The following PCLO variants were observed in gnomAD, a reference collection of about 807,000 sequenced individuals.
PCLO encodes protein piccolo.
Under a neutral mutation model 427.5 loss-of-function variants are expected in PCLO, and 82 were observed. The ratio of observed to expected loss-of-function variants is 0.19; its 90% CI spans 0.16 to 0.23. PCLO has a LOEUF of 0.23. Among genes scored for constraint, PCLO ranks in the 10% least tolerant of loss-of-function variants. The probability of loss-of-function intolerance (pLI) is 1.00; values close to 1 mark genes in which losing one functional copy is unlikely to be tolerated. For synonymous variants in PCLO, 2,357 were observed against 2,155.4 expected (o/e 1.09, Z -2.59); for missense variants, 6,239 against 6,115.9 (o/e 1.02, Z -0.67).
chr7:83,019,922 C>A (rs765833467), intron 3 of PCLO, among the ~76,000 whole-genome samples: 1 of 152,098 alleles, frequency 6.6e-6, no homozygotes, highest in Non-Finnish European at 1.5e-5. Flanking sequence ...CTGAGTACAA[C>A]TCTTCAAGCA....
chr7:82,898,089 T>C (rs1793950309), intron 9 of PCLO, among the ~76,000 whole-genome samples: 1 of 151,620 alleles, frequency 6.6e-6, no homozygotes, highest in Non-Finnish European at 1.5e-5. Flanking sequence ...CTGTTTTAAA[T>C]TTTTGTAAAT....
intron 3 of PCLO, among the ~76,000 whole-genome samples, chr7:83,041,696 C>A (rs1347511056): frequency 6.6e-6 from 1 of 152,210 alleles, no homozygotes. Flanking sequence ...ACATGACATT[C>A]CAATATAGCA....
intron 9 of PCLO, among the ~76,000 whole-genome samples, chr7:82,881,339 A>G (rs1793504068): frequency 6.6e-6 from 1 of 152,188 alleles, no homozygotes; most frequent in Non-Finnish European, 1.5e-5. Context: ...GGGTCCTTAG[A>G]GTCATTTGAT....
chr7:83,121,199 AC>A (rs1300988251), intron 3 of PCLO, among the ~76,000 whole-genome samples: 1 of 152,174 alleles, frequency 6.6e-6, no homozygotes, highest in Non-Finnish European at 1.5e-5. Context: ...ATAAATAGAA[AC>A]AATAAGTTAA....
At position 82,953,311 on chromosome 7, in the gene PCLO, T is replaced by A. The variant is rs1342734422; in HGVS notation, c.7642A>T (p.Thr2548Ser). Residue 2548 changes from threonine to serine, a missense_variant, in exon 5 of 25, where the codon ACT (threonine) becomes TCT (serine). By Grantham distance (58) the Thr-to-Ser change is moderately conservative (BLOSUM62 1). Around this residue, in one of 5 missense-constraint regions of PCLO, gnomAD observed 4,677 missense variants for 4,468.4 expected, o/e 1.05. Transcript: ENST00000333891. ...GAAGGCAATTTATAATCTGCTGAAG[T>A]CACTAAATTTAAGGTCATACTTGAA... The part of the protein sequence containing the change: ...LTSSMTLNLV[T>S]SADYKLPSPT... 1.2e-6 allele frequency: 2 copies of A among 1,613,736 alleles called. No homozygotes were observed. Among genetic ancestry groups the A allele is most frequent in the African/African-American group, 2.7e-5 (2 of 74,980 alleles).
At chr7:82,838,448 A>C in intron 14 of PCLO, 106 bp from the exon 15 acceptor site, 1 of 652,348 alleles carries the variant, frequency 1.5e-6, no homozygotes, top group Non-Finnish European at 2.5e-6. Flanking sequence ...AGAAGCATCA[A>C]CTTTCATTTT....
At chr7:82,812,069 G>A (rs1375133621) in intron 20 of PCLO, among the ~76,000 whole-genome samples, 4 of 151,438 alleles carry the variant, frequency 2.6e-5, no homozygotes, top group Middle Eastern at 6.8e-3. Context: ...TCCTTTTAGA[G>A]AAGAAGATGA....
chr7:83,088,522 A>G (rs1474253681), intron 3 of PCLO, among the ~76,000 whole-genome samples: 1 of 152,172 alleles, frequency 6.6e-6, no homozygotes, highest in Non-Finnish European at 1.5e-5. Flanking sequence ...AGATCAAGAA[A>G]TGTACTAGAC....
intron 3 of PCLO, among the ~76,000 whole-genome samples, chr7:83,119,501 A>C (rs1282366882): frequency 6.6e-6 from 1 of 152,066 alleles, no homozygotes; most frequent in Non-Finnish European, 1.5e-5. Flanking sequence ...GCAGTGACCA[A>C]AGACTTCAAT....
intron 10 of PCLO, among the ~76,000 whole-genome samples, chr7:82,872,179 A>T (rs1308516041): frequency 6.6e-6 from 1 of 152,044 alleles, no homozygotes; most frequent in African/African-American, 2.4e-5. Context: ...AATATAAGCC[A>T]TACACTGGGA....
chr7:82,864,941 C>G (rs1456740651), intron 10 of PCLO, among the ~76,000 whole-genome samples: 1 of 152,010 alleles, frequency 6.6e-6, no homozygotes, highest in Admixed American at 6.6e-5. Flanking sequence ...CAATATAGTA[C>G]TTAAATTCAT....
intron 13 of PCLO, among the ~76,000 whole-genome samples, chr7:82,843,101 C>T (rs1792408051): frequency 6.6e-6 from 1 of 152,114 alleles, no homozygotes; most frequent in African/African-American, 2.4e-5. Context: ...TACCAACACT[C>T]TCAGGTTCAT....
rs61742779 is a variant in PCLO at position 83,155,816 on chromosome 7, T to C, written c.825A>G (p.Gln275=). The part of the protein sequence containing the change: ...PQTDHAKLPL[Q]RDASRPQTKQ... ...TAGTCTGAGGCCTGGATGCATCTCG[T>C]TGAAGTGGCAATTTTGCATGGTCTG... Residue 275 remains glutamine (Q), a synonymous_variant, in exon 2 of 25, where the codon CAA becomes CAG. Coordinates refer to ENST00000333891, the MANE Select transcript of PCLO (RefSeq NM_033026.6). The C allele has an allele frequency of 5.8e-4, 936 of 1,613,434 alleles. 4 individuals are homozygous for C. The African/African-American group carries it at 0.01, about 18-fold the overall frequency.
intron 3 of PCLO, among the ~76,000 whole-genome samples, chr7:83,132,587 T>C (rs772126194): frequency 1.3e-5 from 2 of 152,144 alleles, no homozygotes; most frequent in Non-Finnish European, 2.9e-5. Context: ...AGAATTCTAA[T>C]AATTACTATA....
chr7:82,838,294 C>T lies in PCLO; in HGVS notation c.14146G>A (p.Ala4716Thr). ...TTGTCTCGAGGAACAAGATTTCTTG[C>T]TTGGAGAATATGTATTATGAGATTT... ...LGNLIIHILQ[A>T]RNLVPRDNNG... Residue 4716 changes from alanine (A) to threonine (T), a missense_variant, in exon 15 of 25, where the codon GCA (alanine) becomes ACA (threonine). Around this residue, in one of 5 missense-constraint regions of PCLO, gnomAD observed 877 missense variants for 925.5 expected, o/e 0.95. Coordinates refer to ENST00000333891, the MANE Select transcript of PCLO (RefSeq NM_033026.6). The T allele has an allele frequency of 6.4e-7, 1 of 1,559,912 alleles. No homozygotes were observed. Among genetic ancestry groups the T allele is most frequent in the Non-Finnish European group, 8.8e-7 (1 of 1,138,762 alleles).
chr7:83,153,235 G>A (rs1322221397), intron 2 of PCLO, among the ~76,000 whole-genome samples: 1 of 150,266 alleles, frequency 6.7e-6, no homozygotes, highest in Non-Finnish European at 1.5e-5. Context: ...GTATATATGT[G>A]TATATATATA....
chr7:83,054,101 CAAGA>C (rs1316339622), intron 3 of PCLO, among the ~76,000 whole-genome samples: 2 of 151,756 alleles, frequency 1.3e-5, no homozygotes, highest in African/African-American at 4.8e-5. Context: ...TAGCCACTGC[CAAGA>C]AAGAAACATG....
At chr7:82,923,961 A>C (rs960146318) in intron 6 of PCLO, among the ~76,000 whole-genome samples, 1 of 152,066 alleles carries the variant, frequency 6.6e-6, no homozygotes. Context: ...TGTCAATCAA[A>C]AACGTCACCA....
intron 3 of PCLO, among the ~76,000 whole-genome samples, chr7:82,991,589 T>A (rs1402630773): frequency 6.6e-6 from 1 of 152,162 alleles, no homozygotes; most frequent in African/African-American, 2.4e-5. Flanking sequence ...TAAAGAGTTT[T>A]CAAAGATATT....
Sources: allele counts gnomAD v4.1 joint callset (sites outside exome capture counted in the v4.1 genomes callset), GRCh38; gene constraint gnomAD v4.1.1; regional missense constraint gnomAD v4.1.1; transcripts MANE v1.5; gene names NCBI Gene and HGNC (gene_info 2026-07-23, HGNC 2026-07-21).